The following WDFY4 variants were observed in gnomAD, a reference collection of about 807,000 sequenced individuals.
The protein encoded by WDFY4 is WDFY family member 4.
WDFY4 carries 169 observed loss-of-function variants against 351.9 expected under a neutral mutation model. The ratio of observed to expected loss-of-function variants is 0.48; its 90% CI spans 0.42 to 0.55. The LOEUF (loss-of-function observed/expected upper bound fraction) is 0.55, where lower values mean the gene tolerates loss of function less well. Among genes scored for constraint, WDFY4 ranks in the 20% least tolerant of loss-of-function variants. The pLI is 0.00. For missense variants in WDFY4, 3,803 were observed against 3,935.6 expected (o/e 0.97, Z 0.90); for synonymous variants, 1,622 against 1,574.6 (o/e 1.03, Z -0.71).
intron 47 of WDFY4, among the ~76,000 whole-genome samples, chr10:48,911,477 C>G (rs997706568): frequency 6.6e-5 from 10 of 152,172 alleles, no homozygotes; most frequent in Non-Finnish European, 1.3e-4. Flanking sequence ...TATATAGGCT[C>G]TCATCACAAG....
intron 53 of WDFY4, among the ~76,000 whole-genome samples, chr10:48,963,308 A>G (rs1420408180): frequency 6.6e-6 from 1 of 152,168 alleles, no homozygotes; most frequent in African/African-American, 2.4e-5. Flanking sequence ...TGAACCTGCT[A>G]AGAAGGTACA....
chr10:48,770,356 C>T (rs2132583901), intron 13 of WDFY4, among the ~76,000 whole-genome samples: 1 of 152,314 alleles, frequency 6.6e-6, no homozygotes, highest in Admixed American at 6.5e-5. Flanking sequence ...AGAACAAACC[C>T]AGAAGTCCCC....
At chr10:48,795,049 G>A (rs1460873667) in intron 23 of WDFY4, among the ~76,000 whole-genome samples, 2 of 152,176 alleles carry the variant, frequency 1.3e-5, no homozygotes, top group African/African-American at 4.8e-5. Flanking sequence ...GAGATCCAGG[G>A]TTGGGGCAGT....
chr10:48,914,639 G>A (rs561505153), intron 47 of WDFY4, among the ~76,000 whole-genome samples: 5 of 152,194 alleles, frequency 3.3e-5, no homozygotes, highest in Non-Finnish European at 5.9e-5. Context: ...TTCCTGGGGA[G>A]GGACTGCTGA....
chr10:48,966,702 G>A (rs1019269778), intron 55 of WDFY4, 29 bp downstream of exon 55: 2 of 1,547,212 alleles, frequency 1.3e-6, no homozygotes, highest in Non-Finnish European at 1.7e-6. Flanking sequence ...ATTGTTTGGT[G>A]TCCTGTCCCA....
At position 48,806,055 on chromosome 10, in the gene WDFY4, G is replaced by A. The variant is rs1248477629; in HGVS notation, c.4698G>A (p.Arg1566=). 1.9e-6 allele frequency: 3 copies of A among 1,551,722 alleles called. No homozygotes were observed. The highest frequency in any genetic ancestry group is 1.7e-4 in the Middle Eastern group (1 of 5,992). ...YTLKPSSVNE[R]QICMDGALDP... is the part of the protein sequence containing the mutation. ...TCAAGCCTTCGTCGGTGAATGAGAG[G>A]CAGATCTGCATGGACGGAGCCCTGG... is the stretch of plus-strand genomic sequence containing the variant. The change falls in exon 27 of 62, where the codon AGG becomes AGA. Residue 1566 remains arginine (R), a synonymous_variant. Coordinates refer to ENST00000325239, the MANE Select transcript of WDFY4 (RefSeq NM_001394531.1).
chr10:48,803,636 C>G (rs2067157501), intron 25 of WDFY4, among the ~76,000 whole-genome samples: 1 of 152,206 alleles, frequency 6.6e-6, no homozygotes, highest in African/African-American at 2.4e-5. Flanking sequence ...TCCACTCTCC[C>G]TCTAACTGAC....
chr10:48,877,299 A>G (rs1167497735), intron 43 of WDFY4, 100 bp downstream of exon 43: 13 of 1,081,702 alleles, frequency 1.2e-5, no homozygotes, highest in Non-Finnish European at 1.7e-5. Context: ...ATGGGGAATG[A>G]GATCTCCATT....
chr10:48,890,137 C>T (rs1484469767), intron 43 of WDFY4, among the ~76,000 whole-genome samples: 16 of 152,372 alleles, frequency 1.1e-4, no homozygotes, highest in Non-Finnish European at 5.9e-5. Flanking sequence ...GTTCTAGGCA[C>T]ATTTGAATTC....
At chr10:48,796,184 A>G in intron 23 of WDFY4, 114 bp from the exon 24 acceptor site, 2 of 1,248,608 alleles carry the variant, frequency 1.6e-6, no homozygotes, top group Non-Finnish European at 2.2e-6. Flanking sequence ...CATGGAATGA[A>G]GGATGGTAGC....
rs575167256 is a variant in WDFY4 at position 48,943,377 on chromosome 10, G to T, written c.7677G>T (p.Ala2559=). The T allele has an allele frequency of 4.5e-6, 7 of 1,551,758 alleles. No homozygotes were observed. The highest frequency in any genetic ancestry group is 2.0e-5 in the Admixed American group (1 of 51,000). The part of the protein sequence containing the change: ...NFEYLMYLNT[A]AGRTCNDYMQ... ...AGTATCTCATGTACCTCAACACCGC[G>T]GCTGGGAGAACCTGCAATGACTACA... Residue 2559 remains alanine (A), a synonymous_variant, in exon 49 of 62, where the codon GCG becomes GCT. Transcript: ENST00000325239.
At chr10:48,977,037 C>A in intron 59 of WDFY4, 58 bp downstream of exon 59, 3 of 1,302,334 alleles carry the variant, frequency 2.3e-6, no homozygotes, top group Non-Finnish European at 3.0e-6. Flanking sequence ...CATCTCCATT[C>A]TTCTCACTTC....
intron 6 of WDFY4, 38 bp from the exon 7 acceptor site, chr10:48,727,432 C>T (rs769646464): frequency 1.3e-6 from 2 of 1,538,206 alleles, no homozygotes; most frequent in African/African-American, 1.4e-5. Flanking sequence ...CTCTTGCTTC[C>T]AAGCTCAGCA....
intron 40 of WDFY4, among the ~76,000 whole-genome samples, chr10:48,869,905 T>C (rs1267827460): frequency 6.6e-6 from 1 of 152,162 alleles, no homozygotes; most frequent in Non-Finnish European, 1.5e-5. Flanking sequence ...CAGTTAAAAA[T>C]ATTGGAAACT....
At chr10:48,953,869 G>A (rs889828855) in intron 51 of WDFY4, among the ~76,000 whole-genome samples, 8 of 152,236 alleles carry the variant, frequency 5.3e-5, no homozygotes, top group African/African-American at 1.9e-4. Context: ...GTCTAATAGT[G>A]ATTGAAATGC....
At chr10:48,706,418 A>C (rs929055416) in intron 1 of WDFY4, among the ~76,000 whole-genome samples, 3 of 152,156 alleles carry the variant, frequency 2.0e-5, no homozygotes, top group Non-Finnish European at 2.9e-5. Context: ...AGCTGCAGGG[A>C]GCTCTGCAGG....
rs1018242497 is a variant in WDFY4 at position 48,775,713 on chromosome 10, C to G, written c.2770C>G (p.Gln924Glu). The G allele has an allele frequency of 6.4e-7, 1 of 1,551,424 alleles. No homozygotes were observed. Among genetic ancestry groups the G allele is most frequent in the Non-Finnish European group, 8.7e-7 (1 of 1,146,792 alleles). ...SQAIEPDVLR[Q>E]FLGLGIPSSL... is the part of the protein sequence containing the mutation. ...TTTCCTCTTGTATGTTATGTTCAGACAGTTTCTAGGTCTTGGAATTCCCTC... is the reference window on the plus strand; with the variant it reads ...TTTCCTCTTGTATGTTATGTTCAGAGAGTTTCTAGGTCTTGGAATTCCCTC... Residue 924 changes from glutamine (Q) to glutamate (E), a missense_variant and splice_region_variant, in exon 15 of 62, where the codon CAG becomes GAG. Physicochemically the swap from Gln to Glu is conservative, Grantham distance 29. Around this residue, in one of 3 missense-constraint regions of WDFY4, gnomAD observed 3,054 missense variants for 3,148.6 expected, o/e 0.97. Transcript: ENST00000325239.
intron 47 of WDFY4, among the ~76,000 whole-genome samples, chr10:48,941,296 A>T (rs1490498176): frequency 2.0e-5 from 3 of 152,230 alleles, no homozygotes; most frequent in African/African-American, 4.8e-5. Flanking sequence ...CAACAAAAAA[A>T]ACTATGTAGG....
intron 38 of WDFY4, among the ~76,000 whole-genome samples, chr10:48,832,309 A>G (rs144752640): frequency 1.4e-4 from 21 of 152,378 alleles, no homozygotes; most frequent in African/African-American, 4.8e-4. Context: ...ACTTTAGTTA[A>G]TCTGCTCAAC....
Sources: allele counts gnomAD v4.1 joint callset (sites outside exome capture counted in the v4.1 genomes callset), GRCh38; gene constraint gnomAD v4.1.1; regional missense constraint gnomAD v4.1.1; transcripts MANE v1.5; gene names NCBI Gene and HGNC (gene_info 2026-07-23, HGNC 2026-07-21).